CNTN4: variants seen among roughly 807,000 people sequenced by gnomAD.
CNTN4 encodes contactin 4.
Under a neutral mutation model 122.5 loss-of-function variants are expected in CNTN4, and 77 were observed. The ratio of observed to expected loss-of-function variants is 0.63; its 90% confidence interval spans 0.52 to 0.76. The LOEUF is 0.76. Ranked by LOEUF, CNTN4 falls within the 30% of genes least tolerant of loss-of-function variation. The pLI is 0.00. For synonymous variants in CNTN4, 512 were observed against 447.0 expected, an observed-to-expected ratio of 1.15 and a Z score of -1.83; for missense variants, 1,256 against 1,259.1, an observed-to-expected ratio of 1.00 and a Z score of 0.04.
chr3:3,050,730 T>C (rs1701175449), intron 23 of CNTN4, among the ~76,000 whole-genome samples: 2 of 130,316 alleles, frequency 1.5e-5, no homozygotes, highest in South Asian at 4.9e-4. Context: ...ACCATCGCAC[T>C]CTAGCCTGGG....
intron 2 of CNTN4, among the ~76,000 whole-genome samples, chr3:2,164,870 A>G (rs1207651944): frequency 1.3e-5 from 2 of 152,234 alleles, no homozygotes; most frequent in African/African-American, 4.8e-5. Context: ...AAACAAAACA[A>G]AACAAAAGGA....
intron 3 of CNTN4, among the ~76,000 whole-genome samples, chr3:2,472,171 AG>A (rs1464419948): frequency 2.7e-5 from 4 of 150,124 alleles, no homozygotes; most frequent in Middle Eastern, 3.5e-3. Flanking sequence ...AAAAAAAAAA[AG>A]TTCTCCCCAG....
At chr3:2,833,125 A>C (rs868194047) in intron 7 of CNTN4, among the ~76,000 whole-genome samples, 16 of 152,358 alleles carry the variant, frequency 1.1e-4, no homozygotes, top group Middle Eastern at 3.4e-3. Context: ...CCTTAAGAAA[A>C]TATAAGAAAA....
intron 3 of CNTN4, among the ~76,000 whole-genome samples, chr3:2,560,398 TC>T (rs1428390341): frequency 6.6e-6 from 1 of 152,162 alleles, no homozygotes; most frequent in Non-Finnish European, 1.5e-5. Flanking sequence ...TGCCTTGGCT[TC>T]CCAAAATTTG....
chr3:2,682,010 T>C (rs2675309), intron 4 of CNTN4, among the ~76,000 whole-genome samples: 10,497 of 152,236 alleles, frequency 0.069, 446 homozygotes, highest in African/African-American at 0.12. Flanking sequence ...GGGATATTTT[T>C]TGGATATTCA....
intron 4 of CNTN4, among the ~76,000 whole-genome samples, chr3:2,587,832 T>C (rs956240673): frequency 5.9e-5 from 9 of 152,150 alleles, no homozygotes; most frequent in South Asian, 2.1e-4. Context: ...TTCTTTCTTT[T>C]TTTTCTTGGT....
intron 3 of CNTN4, among the ~76,000 whole-genome samples, chr3:2,367,110 G>A (rs976232174): frequency 6.6e-6 from 1 of 151,616 alleles, no homozygotes; most frequent in African/African-American, 2.4e-5. Context: ...GTGTGTATGA[G>A]TACAGAAATG....
chr3:2,431,573 A>G (rs757579028), intron 3 of CNTN4, among the ~76,000 whole-genome samples: 4 of 152,196 alleles, frequency 2.6e-5, no homozygotes, highest in Admixed American at 6.5e-5. Context: ...CGTGGAATAG[A>G]TAAGAGGAAC....
At chr3:2,783,160 A>G (rs916624359) in intron 6 of CNTN4, among the ~76,000 whole-genome samples, 2 of 151,356 alleles carry the variant, frequency 1.3e-5, no homozygotes, top group Non-Finnish European at 2.9e-5. Context: ...GTGGTGGTAC[A>G]TGTCTGTAGT....
intron 7 of CNTN4, among the ~76,000 whole-genome samples, chr3:2,852,381 C>T (rs888840903): frequency 1.3e-5 from 2 of 152,118 alleles, no homozygotes; most frequent in Non-Finnish European, 2.9e-5. Flanking sequence ...CTTATAAATT[C>T]TGACCTGATC....
intron 2 of CNTN4, among the ~76,000 whole-genome samples, chr3:2,159,649 G>T (rs1002694345): frequency 1.2e-4 from 19 of 152,096 alleles, no homozygotes; most frequent in Non-Finnish European, 2.2e-4. Flanking sequence ...GAGGACTATT[G>T]CAGCATCTTA....
At chr3:2,430,146 G>A (rs1262693938) in intron 3 of CNTN4, among the ~76,000 whole-genome samples, 11 of 152,036 alleles carry the variant, frequency 7.2e-5, no homozygotes, top group African/African-American at 1.9e-4. Flanking sequence ...GAAATTGGCC[G>A]GGCTCAGTGG....
intron 2 of CNTN4, among the ~76,000 whole-genome samples, chr3:2,332,919 C>G (rs953106429): frequency 2.0e-5 from 3 of 152,020 alleles, no homozygotes; most frequent in Non-Finnish European, 4.4e-5. Context: ...TTTTCCTATC[C>G]TCGAGAGCAG....
chr3:2,129,264 C>CAAA (rs11390812), intron 2 of CNTN4, among the ~76,000 whole-genome samples: 37 of 63,794 alleles, frequency 5.8e-4, no homozygotes, highest in African/African-American at 1.1e-3. Flanking sequence ...TCCAAACCTG[C>CAAA]AAAAAAAAAA....
At chr3:2,781,740 T>TC (rs1281652600) in intron 6 of CNTN4, among the ~76,000 whole-genome samples, 6 of 139,112 alleles carry the variant, frequency 4.3e-5, no homozygotes, top group Non-Finnish European at 9.1e-5. Context: ...TTTTTTTTTT[T>TC]TTGAGACGGA....
intron 3 of CNTN4, among the ~76,000 whole-genome samples, chr3:2,519,930 C>G (rs887177872): frequency 6.6e-6 from 1 of 152,014 alleles, no homozygotes; most frequent in Non-Finnish European, 1.5e-5. Context: ...GTTAATGATC[C>G]ATCTTGGGTA....
intron 19 of CNTN4, 200 bp downstream of exon 19, chr3:3,039,203 AT>A (rs1699915426): frequency 3.4e-6 from 2 of 585,708 alleles, no homozygotes; most frequent in Admixed American, 5.5e-5. Flanking sequence ...GCAAGTTTTA[AT>A]TCAATCCATC....
At position 2,800,369 on chromosome 3, in the gene CNTN4, T is replaced by C. The variant is rs915155967; in HGVS notation, c.359-19117T>C. ...GACTGCATGTTATGTACTTTCTTAT[T>C]ATTTTTTATCCTGCAAGAAAATAAT... On this transcript the variant is annotated intron_variant, in intron 6 of 24. Coordinates refer to ENST00000418658, the MANE Select transcript of CNTN4 (RefSeq NM_175607.3). 3.9e-5 allele frequency among the ~76,000 whole-genome samples: 6 copies of C among 152,296 alleles called. 1 individual carries two copies. The East Asian group carries it at 1.2e-3, about 29-fold the overall frequency.
At chr3:2,548,011 T>G (rs1238027537) in intron 3 of CNTN4, among the ~76,000 whole-genome samples, 1 of 152,212 alleles carries the variant, frequency 6.6e-6, no homozygotes, top group Non-Finnish European at 1.5e-5. Flanking sequence ...TGTTTTATTC[T>G]TGTAAATTTG....
Sources: allele counts gnomAD v4.1 joint callset (sites outside exome capture counted in the v4.1 genomes callset), GRCh38; gene constraint gnomAD v4.1.1; transcripts MANE v1.5; gene names NCBI Gene and HGNC (gene_info 2026-07-23, HGNC 2026-07-21).